Variants in RBFOX1 observed in about 807,000 individuals in gnomAD.
RBFOX1 encodes the protein RNA binding fox-1 homolog 1.
In RBFOX1, 8 loss-of-function variants were observed where a neutral mutation model predicts 57.7. The ratio of observed to expected loss-of-function variants is 0.14; its 90% CI spans 0.08 to 0.25. RBFOX1 has a LOEUF of 0.25. Ranked by LOEUF, RBFOX1 falls within the 10% of genes least tolerant of loss-of-function variation. The pLI, the probability that RBFOX1 is intolerant of heterozygous loss-of-function variation, is 1.00. For synonymous variants in RBFOX1, 326 were observed against 222.4 expected (o/e 1.47, Z -4.15); for missense variants, 611 against 548.5 (o/e 1.11, Z -1.14).
intron 4 of RBFOX1, among the ~76,000 whole-genome samples, chr16:7,256,039 A>C (rs1339483041): frequency 6.6e-6 from 1 of 152,252 alleles, no homozygotes; most frequent in Non-Finnish European, 1.5e-5. Context: ...CATAATGAAT[A>C]CATACTGCCT....
intron 4 of RBFOX1, among the ~76,000 whole-genome samples, chr16:7,453,948 G>A (rs1277005853): frequency 1.3e-5 from 2 of 152,198 alleles, no homozygotes; most frequent in South Asian, 2.1e-4. Flanking sequence ...GAAAGCCATA[G>A]CCAGCTGGGC....
chr16:6,621,681 C>G (rs150333776), intron 2 of RBFOX1, among the ~76,000 whole-genome samples: 1 of 152,160 alleles, frequency 6.6e-6, no homozygotes, highest in African/African-American at 2.4e-5. Flanking sequence ...CCATTGCAAA[C>G]AGAGCAAACC....
rs554199319 is a variant in RBFOX1 at position 7,264,673 on chromosome 16, C to G, written c.27+212575C>G. Among the ~76,000 whole-genome samples, 5 of 152,144 alleles carry G rather than the reference C, an allele frequency of 3.3e-5. No individual in the cohort carries two copies. The East Asian group carries it at 5.8e-4, about 18-fold the overall frequency. ...TTTCATGTAATTTTCAGGTGTCATG[C>G]AATCTTATTTTTCTTTGGATTTTTC... On this transcript the variant is annotated intron_variant, in intron 4 of 15. Coordinates refer to ENST00000550418, the MANE Select transcript of RBFOX1 (RefSeq NM_018723.4).
chr16:5,265,590 A>G (rs2062838283), intron 1 of RBFOX1, among the ~76,000 whole-genome samples: 1 of 152,220 alleles, frequency 6.6e-6, no homozygotes, highest in Admixed American at 6.5e-5. Flanking sequence ...GCTGATCAAT[A>G]TGTGTAGCTC....
intron 4 of RBFOX1, among the ~76,000 whole-genome samples, chr16:7,236,784 A>G (rs1186909763): frequency 6.6e-6 from 1 of 152,152 alleles, no homozygotes; most frequent in Non-Finnish European, 1.5e-5. Context: ...AGTCAGTGAT[A>G]AGGCAGACAG....
chr16:7,084,005 G>T (rs1312208687), intron 4 of RBFOX1, among the ~76,000 whole-genome samples: 2 of 152,066 alleles, frequency 1.3e-5, no homozygotes, highest in Non-Finnish European at 1.5e-5. Context: ...CCTGTGACCT[G>T]TTAAAGGCCC....
chr16:7,309,503 C>T (rs60850474), intron 4 of RBFOX1, among the ~76,000 whole-genome samples: 6 of 152,162 alleles, frequency 3.9e-5, no homozygotes, highest in South Asian at 2.1e-4. Context: ...TGCAACTGGC[C>T]GCTCCTGCCT....
At chr16:5,590,462 G>A (rs1376619456) in intron 2 of RBFOX1, among the ~76,000 whole-genome samples, 1 of 152,138 alleles carries the variant, frequency 6.6e-6, no homozygotes, top group South Asian at 2.1e-4. Context: ...CATTTCCTAC[G>A]AAGGGCTGGG....
chr16:5,910,985 C>T (rs894623609), intron 4 of RBFOX1, among the ~76,000 whole-genome samples: 3 of 152,152 alleles, frequency 2.0e-5, no homozygotes, highest in African/African-American at 4.8e-5. Flanking sequence ...GGTAATTTGC[C>T]TAATAATGCA....
At chr16:5,473,072 A>AG (rs1433951594) in intron 2 of RBFOX1, among the ~76,000 whole-genome samples, 2 of 152,166 alleles carry the variant, frequency 1.3e-5, no homozygotes, top group Admixed American at 1.3e-4. Context: ...CCTCCTCCCG[A>AG]GGAGACTTTG....
chr16:6,053,742 A>G (rs747542742), intron 1 of RBFOX1, among the ~76,000 whole-genome samples: 1 of 152,108 alleles, frequency 6.6e-6, no homozygotes, highest in Non-Finnish European at 1.5e-5. Context: ...TCTGTGCCTC[A>G]CTTGTACAAT....
chr16:5,765,443 C>T (rs1313361366), intron 3 of RBFOX1, among the ~76,000 whole-genome samples: 3 of 152,170 alleles, frequency 2.0e-5, no homozygotes, highest in African/African-American at 4.8e-5. Context: ...TTCAAATCCA[C>T]CTTTGACCCT....
chr16:5,391,817 T>A (rs2066416241), intron 1 of RBFOX1, among the ~76,000 whole-genome samples: 1 of 151,482 alleles, frequency 6.6e-6, no homozygotes, highest in African/African-American at 2.4e-5. Flanking sequence ...CTATGGTGTG[T>A]GTGTATATAT....
intron 1 of RBFOX1, among the ~76,000 whole-genome samples, chr16:6,146,829 T>A (rs982563778): frequency 6.6e-6 from 1 of 152,176 alleles, no homozygotes; most frequent in Admixed American, 6.5e-5. Flanking sequence ...TAAGTGGCGA[T>A]TCAAGCTCCA....
intron 3 of RBFOX1, among the ~76,000 whole-genome samples, chr16:6,688,982 G>T (rs1048364174): frequency 3.3e-5 from 5 of 152,114 alleles, no homozygotes; most frequent in Non-Finnish European, 7.3e-5. Context: ...CTTTTTTATG[G>T]CTGCATAGTA....
At chr16:7,623,692 G>C (rs1380858971) in intron 10 of RBFOX1, among the ~76,000 whole-genome samples, 1 of 152,136 alleles carries the variant, frequency 6.6e-6, no homozygotes, top group Non-Finnish European at 1.5e-5. Context: ...GGGGAACCCT[G>C]GCTTAAACAA....
At chr16:7,607,035 A>G (rs1009219898) in intron 9 of RBFOX1, among the ~76,000 whole-genome samples, 1 of 152,216 alleles carries the variant, frequency 6.6e-6, no homozygotes, top group Admixed American at 6.5e-5. Flanking sequence ...GTCATTTTCA[A>G]AGGGTTCACT....
chr16:5,520,629 A>G (rs556288638), intron 2 of RBFOX1, among the ~76,000 whole-genome samples: 1 of 152,324 alleles, frequency 6.6e-6, no homozygotes, highest in South Asian at 2.1e-4. Context: ...GTGGTAGATT[A>G]TATTCTTGAT....
intron 2 of RBFOX1, among the ~76,000 whole-genome samples, chr16:6,490,685 C>G (rs1379000822): frequency 1.3e-5 from 2 of 152,174 alleles, no homozygotes; most frequent in African/African-American, 2.4e-5. Flanking sequence ...CAGCTCGTAT[C>G]TGGTCATGGA....
Sources: allele counts gnomAD v4.1 joint callset (sites outside exome capture counted in the v4.1 genomes callset), GRCh38; gene constraint gnomAD v4.1.1; transcripts MANE v1.5; gene names NCBI Gene and HGNC (gene_info 2026-07-23, HGNC 2026-07-21).